The following CCDC85A variants were observed in gnomAD, a reference collection of about 807,000 sequenced individuals.
CCDC85A encodes the protein coiled-coil domain containing 85A.
In CCDC85A, 38 loss-of-function variants were observed where a neutral mutation model predicts 50.2. That is an observed-to-expected ratio of 0.76 (90% CI 0.58 to 0.99). The LOEUF is 0.99. CCDC85A is among the 50% of genes least tolerant of loss of function. The pLI is 0.00. For missense variants in CCDC85A, 820 were observed against 742.0 expected (o/e 1.11, Z -1.22); for synonymous variants, 366 against 301.4 (o/e 1.21, Z -2.22).
intron 2 of CCDC85A, among the ~76,000 whole-genome samples, chr2:56,315,256 G>GA (rs1672869941): frequency 6.6e-6 from 1 of 152,032 alleles, no homozygotes; most frequent in African/African-American, 2.4e-5. Context: ...TCAAGAGTAG[G>GA]AAAAAATACT....
intron 2 of CCDC85A, among the ~76,000 whole-genome samples, chr2:56,223,030 G>A (rs1185287974): frequency 6.6e-6 from 1 of 151,998 alleles, no homozygotes; most frequent in Non-Finnish European, 1.5e-5. Flanking sequence ...AAGTGCCAAG[G>A]TTTTCTATTG....
At chr2:56,301,125 C>G (rs1672183403) in intron 2 of CCDC85A, among the ~76,000 whole-genome samples, 3 of 152,194 alleles carry the variant, frequency 2.0e-5, no homozygotes, top group Middle Eastern at 3.4e-3. Context: ...GTTTTGGATG[C>G]TTTTTTTCTT....
At chr2:56,300,258 T>C (rs574358017) in intron 2 of CCDC85A, among the ~76,000 whole-genome samples, 91 of 152,156 alleles carry the variant, frequency 6.0e-4, no homozygotes, top group Non-Finnish European at 1.0e-3. Flanking sequence ...CATAAGATGA[T>C]CCTTAAGGGT....
chr2:56,326,634 T>C (rs1230889249), intron 2 of CCDC85A, among the ~76,000 whole-genome samples: 1 of 152,158 alleles, frequency 6.6e-6, no homozygotes, highest in Non-Finnish European at 1.5e-5. Flanking sequence ...AAGAGGACTC[T>C]TGAGATTTAT....
intron 3 of CCDC85A, among the ~76,000 whole-genome samples, chr2:56,350,835 C>T (rs1478596102): frequency 1.5e-5 from 2 of 134,236 alleles, no homozygotes; most frequent in Non-Finnish European, 1.6e-5. Context: ...TTTTCAGTTT[C>T]TTTTTTATTT....
intron 2 of CCDC85A, among the ~76,000 whole-genome samples, chr2:56,324,778 A>G (rs1265737722): frequency 6.6e-6 from 1 of 152,162 alleles, no homozygotes; most frequent in East Asian, 1.9e-4. Context: ...ACTCCAAGGT[A>G]GTATTTTTAT....
intron 2 of CCDC85A, among the ~76,000 whole-genome samples, chr2:56,284,948 T>C (rs1671365839): frequency 6.6e-6 from 1 of 152,178 alleles, no homozygotes; most frequent in Non-Finnish European, 1.5e-5. Flanking sequence ...TTGCATGGTA[T>C]ATATTCTTCA....
chr2:56,252,650 G>A (rs1227194060), intron 2 of CCDC85A, among the ~76,000 whole-genome samples: 1 of 152,040 alleles, frequency 6.6e-6, no homozygotes, highest in Non-Finnish European at 1.5e-5. Flanking sequence ...CCATCAACCC[G>A]TCATCTACAT....
intron 2 of CCDC85A, among the ~76,000 whole-genome samples, chr2:56,307,805 G>A (rs1672511393): frequency 6.6e-6 from 1 of 152,176 alleles, no homozygotes; most frequent in African/African-American, 2.4e-5. Context: ...ATTTTACTTA[G>A]CAAGGCAAGA....
chr2:56,346,505 C>T (rs975453385), intron 3 of CCDC85A, among the ~76,000 whole-genome samples: 1 of 152,150 alleles, frequency 6.6e-6, no homozygotes, highest in East Asian at 1.9e-4. Context: ...GTACAGCCAC[C>T]GTGGCAAGTC....
At chr2:56,264,363 G>T (rs1482113534) in intron 2 of CCDC85A, among the ~76,000 whole-genome samples, 2 of 152,062 alleles carry the variant, frequency 1.3e-5, no homozygotes, top group Non-Finnish European at 2.9e-5. Context: ...CTGGCTGCCT[G>T]CCCTGTCTTA....
chr2:56,320,455 G>A (rs1673123321), intron 2 of CCDC85A, among the ~76,000 whole-genome samples: 2 of 152,038 alleles, frequency 1.3e-5, no homozygotes, highest in Admixed American at 1.3e-4. Context: ...TGATAAAGGG[G>A]ATATCACCAC....
intron 2 of CCDC85A, among the ~76,000 whole-genome samples, chr2:56,315,880 T>C (rs1672899225): frequency 6.6e-6 from 1 of 152,134 alleles, no homozygotes; most frequent in African/African-American, 2.4e-5. Flanking sequence ...ATTCCCTCTT[T>C]GAGGCAGGCA....
intron 2 of CCDC85A, among the ~76,000 whole-genome samples, chr2:56,319,182 T>G (rs1249137629): frequency 6.6e-6 from 1 of 152,136 alleles, no homozygotes; most frequent in African/African-American, 2.4e-5. Context: ...CTTTGGTGAT[T>G]TACACATAGC....
intron 3 of CCDC85A, among the ~76,000 whole-genome samples, chr2:56,362,292 A>C (rs1480401949): frequency 3.3e-5 from 5 of 152,086 alleles, no homozygotes; most frequent in Non-Finnish European, 5.9e-5. Flanking sequence ...CAGGGGAATC[A>C]AGTTCTATTT....
Position 56,193,105 on chromosome 2 carries a change from C to G in CCDC85A, c.905C>G (p.Pro302Arg), listed in dbSNP as rs1676372060. The G allele has an allele frequency of 6.2e-7, 1 of 1,613,782 alleles. No homozygotes were observed. The highest frequency in any genetic ancestry group is 8.5e-7 in the Non-Finnish European group (1 of 1,179,846). ...AGGCACCCGCATCCAGGGAGCAGCC[C>G]CGAAACGCTGCCCAAGCACGTGCTG... ...QQRHPHPGSS[P>R]ETLPKHVLSG... Residue 302 changes from proline to arginine, a missense_variant, in exon 2 of 6, where the codon CCC becomes CGC. Transcript: ENST00000407595.
chr2:56,226,565 A>G (rs1160647), intron 2 of CCDC85A, among the ~76,000 whole-genome samples: 102,705 of 151,726 alleles, frequency 0.68, 35,065 homozygotes, highest in Admixed American at 0.74. Flanking sequence ...TTCTTTGCAA[A>G]TGAACTTTTA....
At chr2:56,238,966 A>G (rs1669140758) in intron 2 of CCDC85A, among the ~76,000 whole-genome samples, 1 of 152,200 alleles carries the variant, frequency 6.6e-6, no homozygotes, top group African/African-American at 2.4e-5. Context: ...ATGGAGCATC[A>G]TACTGATATG....
chr2:56,189,295 G>GTA (rs773078371), intron 1 of CCDC85A, among the ~76,000 whole-genome samples: 1 of 100,444 alleles, frequency 1.0e-5, no homozygotes. Context: ...GGTATTTTTG[G>GTA]TGTTTTTTTT....
Sources: allele counts gnomAD v4.1 joint callset (sites outside exome capture counted in the v4.1 genomes callset), GRCh38; gene constraint gnomAD v4.1.1; transcripts MANE v1.5; gene names NCBI Gene and HGNC (gene_info 2026-07-23, HGNC 2026-07-21).